The following KMT2B variants were observed in gnomAD, a reference collection of about 807,000 sequenced individuals.
KMT2B encodes the protein histone-lysine N-methyltransferase 2B.
KMT2B carries 22 observed loss-of-function variants against 255.3 expected under a neutral mutation model. The observed-to-expected ratio is 0.09, with a 90% CI of 0.06 to 0.12. The LOEUF (loss-of-function observed/expected upper bound fraction) is 0.12, where lower values mean the gene tolerates loss of function less well. Ranked by LOEUF, KMT2B falls within the 10% of genes least tolerant of loss-of-function variation. KMT2B has a pLI of 1.00. For missense variants in KMT2B, 3,149 were observed against 3,737.0 expected, an observed-to-expected ratio of 0.84 and a Z score of 4.10; for synonymous variants, 1,730 against 1,498.1, an observed-to-expected ratio of 1.15 and a Z score of -3.57.
At chr19:35,726,717 C>T (rs1843553917) in intron 14 of KMT2B, among the ~76,000 whole-genome samples, 1 of 152,162 alleles carries the variant, frequency 6.6e-6, no homozygotes, top group South Asian at 2.1e-4. Context: ...AGCACAGTGG[C>T]TCACGCCTGT....
At position 35,733,884 on chromosome 19, in the gene KMT2B, C is replaced by T; in HGVS notation, c.7159+12C>T. 2 of 1,583,614 alleles carry T rather than the reference C, an allele frequency of 1.3e-6. No homozygotes were observed. Among genetic ancestry groups the T allele is most frequent in the Non-Finnish European group, 1.7e-6 (2 of 1,154,188 alleles). ...GCACCACTATTCAGGTAGGGACCGG[C>T]CTTGCCCTCTCCCTCCTTGCCTGTG... On this transcript the variant is annotated intron_variant, in intron 30 of 36. Transcript: ENST00000420124. The surrounding 1 kb of genome is among the most constrained non-coding windows in gnomAD (Gnocchi z 4.3).
In KMT2B at chr19:35,732,674, T is replaced by C. The variant is rs930292802; in HGVS notation, c.6125T>C (p.Val2042Ala). The change falls in exon 28 of 37, where the codon GTG (valine) becomes GCG (alanine). Residue 2042 changes from valine to alanine, a missense_variant. By Grantham distance (64) the Val-to-Ala change is moderately conservative. Transcript: ENST00000420124. Reference protein sequence around the residue: ...SRYIHFPVTVVSAPGLAPSAT... With the variant: ...SRYIHFPVTVASAPGLAPSAT... ...TACATCCACTTCCCTGTGACTGTGG[T>C]GTCCGCCCCTGGTCTGGCCCCCAGC... 1.5e-5 allele frequency: 24 copies of C among 1,609,182 alleles called. No homozygotes were observed. The highest frequency in any genetic ancestry group is 2.0e-5 in the Non-Finnish European group (24 of 1,178,032).
At chr19:35,726,148 A>G (rs1183190524) in intron 13 of KMT2B, 88 bp from the exon 14 acceptor site, 2 of 960,178 alleles carry the variant, frequency 2.1e-6, no homozygotes, top group Non-Finnish European at 1.6e-6. Context: ...TGCTTCCTGC[A>G]TATCCCCAAT....
In KMT2B at chr19:35,722,438, A is replaced by C. The variant is rs752853404; in HGVS notation, c.2537A>C (p.Asp846Ala). Residue 846 changes from aspartate (D) to alanine (A), a missense_variant, in exon 4 of 37, where the codon GAT becomes GCT. Asp to Ala is a moderately radical substitution (Grantham distance 126). This residue lies in a region of KMT2B where 1,188 missense variants were observed against 1,106.4 expected (regional missense o/e 1.07). Transcript: ENST00000420124. Reference protein sequence around the residue: ...ISDRGPVRSEDESVEAKRERP... With the variant: ...ISDRGPVRSEAESVEAKRERP... ...GACAGAGGCCCTGTCCGGTCTGAAG[A>C]TGAGTCGGTGGAAGCTAAGAGAGAG... is the stretch of plus-strand genomic sequence containing the variant. 1 of 1,610,178 alleles carries C rather than the reference A, an allele frequency of 6.2e-7. No individual in the cohort carries two copies. Among genetic ancestry groups the C allele is most frequent in the South Asian group, 1.1e-5 (1 of 91,054 alleles).
chr19:35,727,317 C>T lies in KMT2B; in HGVS notation c.4117+48C>T. 1 of 1,568,562 alleles carries T rather than the reference C, an allele frequency of 6.4e-7. No homozygotes were observed. Among genetic ancestry groups the T allele is most frequent in the Non-Finnish European group, 8.8e-7 (1 of 1,139,442 alleles). Reference sequence around the variant, plus strand: ...CTGCAGCCTCAACCCTGTGGGGACCCCTGCCCCCACCACAGGCCCCAAGAG... The same window carrying T: ...CTGCAGCCTCAACCCTGTGGGGACCTCTGCCCCCACCACAGGCCCCAAGAG... On this transcript the variant is annotated intron_variant, in intron 15 of 36. Transcript: ENST00000420124. This position sits in a 1 kb window ranked among gnomAD's most constrained non-coding sequence, Gnocchi z 4.2.
rs115531409 is a variant in KMT2B at position 35,732,807 on chromosome 19, G to A, written c.6258G>A (p.Ser2086=). The A allele has an allele frequency of 6.7e-5, 107 of 1,606,200 alleles. No homozygotes were observed. Among genetic ancestry groups the A allele is most frequent in the Admixed American group, 1.0e-4 (6 of 58,914 alleles). ...QQPRGQGTPP[S]GPGVVRAGVL... ...CTCGGGGCCAGGGCACGCCTCCTTC[G>A]GGGCCAGGAGTAGTCCGGGCAGGGG... The change falls in exon 28 of 37, where the codon TCG becomes TCA. Residue 2086 remains serine, a synonymous_variant. Transcript: ENST00000420124.
At chr19:35,730,972 G>A in intron 26 of KMT2B, 105 bp downstream of exon 26, 1 of 1,258,278 alleles carries the variant, frequency 7.9e-7, no homozygotes, top group Non-Finnish European at 1.1e-6. Flanking sequence ...GCTTGCTTTT[G>A]CTTCAGTTGC....
intron 30 of KMT2B, 65 bp from the exon 31 acceptor site, chr19:35,736,625 C>T (rs1036222692): frequency 5.0e-6 from 8 of 1,584,772 alleles, no homozygotes; most frequent in South Asian, 4.5e-5. Context: ...GGGAGCACAG[C>T]GGGGCTCAGG....
Position 35,718,224 on chromosome 19 carries a change from G to T in KMT2B, c.206G>T (p.Arg69Leu), listed in dbSNP as rs1400844708. 1.7e-6 allele frequency: 2 copies of T among 1,176,762 alleles called. No individual in the cohort carries two copies. Among genetic ancestry groups the T allele is most frequent in the Non-Finnish European group, 2.1e-6 (2 of 948,358 alleles). The allele number at this position is 1,176,762 out of a possible 1,614,324, so 72.9% of individuals were successfully genotyped here. A position where few individuals can be genotyped will look rare whatever the true frequency, so the allele number is the denominator to read the frequency against. Residue 69 changes from arginine (R) to leucine (L), a missense_variant, in exon 1 of 37, where the codon CGT becomes CTT. Coordinates refer to ENST00000420124, the MANE Select transcript of KMT2B (RefSeq NM_014727.3). The surrounding 1 kb of genome is among the most constrained non-coding windows in gnomAD (Gnocchi z 5.0). Reference protein sequence around the residue: ...AEPGEDTALLRLLGLRRGLRR... With the variant: ...AEPGEDTALLLLLGLRRGLRR... ...CCCGGGGAGGACACGGCCCTGCTCCGTTTGCTGGGGCTCCGCCGGGGCCTG... is the reference window on the plus strand; with the variant it reads ...CCCGGGGAGGACACGGCCCTGCTCCTTTTGCTGGGGCTCCGCCGGGGCCTG...
Position 35,721,216 on chromosome 19 carries a change from AGCCCCTCC to A in KMT2B, c.1870_1877del (p.Ala624ThrfsTer49), listed in dbSNP as rs2146438549. On this transcript the variant is annotated frameshift_variant, in exon 3 of 37. Coordinates refer to ENST00000420124, the MANE Select transcript of KMT2B (RefSeq NM_014727.3). LOFTEE classifies it high-confidence loss of function. ...CCCGGGAGCTGCCCCCTCCTCCCCC[AGCCCCTCC>A]ACCTCCCCCGGCCCCCTCCCCACCC... is the stretch of plus-strand genomic sequence containing the variant. The A allele has an allele frequency of 1.3e-5, 2 of 155,948 alleles. No homozygotes were observed. Among genetic ancestry groups the A allele is most frequent in the Non-Finnish European group, 2.0e-5 (2 of 101,328 alleles). The allele number at this position is 155,948 out of a possible 1,614,324, so 9.7% of individuals were successfully genotyped here.
Position 35,725,837 on chromosome 19 carries a change from C to G in KMT2B, c.3885+19C>G, listed in dbSNP as rs1230553016. 8 of 1,551,370 alleles carry G rather than the reference C, an allele frequency of 5.2e-6. No individual in the cohort carries two copies. The African/African-American group carries it at 9.6e-5, about 19-fold the overall frequency. Reference sequence around the variant, plus strand: ...CCACTGGGTGAGAGATGAGGTTCACCCACTTGCTTTGTCTCTAATGAATAT... The same window carrying G: ...CCACTGGGTGAGAGATGAGGTTCACGCACTTGCTTTGTCTCTAATGAATAT... On this transcript the variant is annotated intron_variant, in intron 13 of 36. Transcript: ENST00000420124. The surrounding 1 kb of genome is among the most constrained non-coding windows in gnomAD (Gnocchi z 4.1).
intron 26 of KMT2B, 113 bp from the exon 27 acceptor site, chr19:35,731,795 G>T: frequency 1.2e-6 from 1 of 826,334 alleles, no homozygotes. Context: ...GGGGCCTGTT[G>T]TGACTGGGTC....
chr19:35,733,251 GCC>G lies in KMT2B; in HGVS notation c.6706_6707del (p.Pro2236ArgfsTer66). On this transcript the variant is annotated frameshift_variant, in exon 28 of 37. Transcript: ENST00000420124. LOFTEE classifies it high-confidence loss of function. The surrounding 1 kb of genome is among the most constrained non-coding windows in gnomAD (Gnocchi z 4.3). ...CCACGGCTCCCACCTCCTGGACTCT[GCC>G]CCCAGGCCCCCTCCTCGGCGTGCTG... is the stretch of plus-strand genomic sequence containing the variant. ...SPTAPTSWTL[P>X]PGPLLGVLPV... The G allele has an allele frequency of 6.8e-7, 1 of 1,460,756 alleles. No homozygotes were observed. Among genetic ancestry groups the G allele is most frequent in the Non-Finnish European group, 9.3e-7 (1 of 1,078,122 alleles). The allele number at this position is 1,460,756 out of a possible 1,614,324, so 90.5% of individuals were successfully genotyped here.
Position 35,733,689 on chromosome 19 carries a change from G to A in KMT2B, c.7049+3G>A, listed in dbSNP as rs1270691641. 1.1e-5 allele frequency: 18 copies of A among 1,603,630 alleles called. No homozygotes were observed. Among genetic ancestry groups the A allele is most frequent in the Non-Finnish European group, 1.4e-5 (17 of 1,175,352 alleles). ...CCCGCTGGGGAAGAAAGTCCTGGGT[G>A]AGTGGCCAGGCCCCTCTCCCTGGAG... On this transcript the variant is annotated splice_donor_region_variant and intron_variant, in intron 29 of 36. Transcript: ENST00000420124. The surrounding 1 kb of genome is among the most constrained non-coding windows in gnomAD (Gnocchi z 4.3).
At position 35,732,528 on chromosome 19, in the gene KMT2B, C is replaced by T. The variant is rs777525440; in HGVS notation, c.5979C>T (p.Phe1993=). ...GACTGAGTGCTGCTGACCTGGACTT[C>T]GCGGCCAGCCTGCTGGGGACTGAGC... ...VSGLSAADLD[F]AASLLGTEPF... is the part of the protein sequence containing the mutation. Residue 1993 remains phenylalanine (F), a synonymous_variant, in exon 28 of 37, where the codon TTC becomes TTT. Coordinates refer to ENST00000420124, the MANE Select transcript of KMT2B (RefSeq NM_014727.3). 18 of 1,613,780 alleles carry T rather than the reference C, an allele frequency of 1.1e-5. No individual in the cohort carries two copies. The highest frequency in any genetic ancestry group is 2.2e-5 in the South Asian group (2 of 91,090).
chr19:35,718,309 G>A lies in KMT2B; in HGVS notation c.291G>A (p.Arg97=). The A allele has an allele frequency of 8.1e-7, 1 of 1,239,618 alleles. No homozygotes were observed. The highest frequency in any genetic ancestry group is 1.0e-6 in the Non-Finnish European group (1 of 983,712). The allele number at this position is 1,239,618 out of a possible 1,614,324, so 76.8% of individuals were successfully genotyped here. A position where few individuals can be genotyped will look rare whatever the true frequency, so the allele number is the denominator to read the frequency against. ...TCCAGCGGGGCCGGGGACGGGGTCG[G>A]GGCCGGGGCTGGGGCCCGAGTCGAG... ...PRVQRGRGRG[R]GRGWGPSRGC... is the part of the protein sequence containing the mutation. The change falls in exon 1 of 37, where the codon CGG becomes CGA. Residue 97 remains arginine, a synonymous_variant. Transcript: ENST00000420124. The surrounding 1 kb of genome is among the most constrained non-coding windows in gnomAD (Gnocchi z 5.0).
rs1209175045 is a variant in KMT2B, at chr19:35,727,796, T to TA, written c.4392+10dup. ...GCCACTACAAGTCTGTGGTGAGTGG[T>TA]ACACCAGGAGGAGCAGGTGGGTGGC... On this transcript the variant is annotated intron_variant, in intron 17 of 36. Coordinates refer to ENST00000420124, the MANE Select transcript of KMT2B (RefSeq NM_014727.3). This position sits in a 1 kb window ranked among gnomAD's most constrained non-coding sequence, Gnocchi z 4.2. 2.4e-5 allele frequency: 38 copies of TA among 1,613,444 alleles called. No individual in the cohort carries two copies. Among genetic ancestry groups the TA allele is most frequent in the Non-Finnish European group, 3.1e-5 (36 of 1,179,628 alleles).
intron 9 of KMT2B, 114 bp from the exon 10 acceptor site, chr19:35,724,875 A>T: frequency 6.1e-6 from 7 of 1,138,384 alleles, no homozygotes; most frequent in Non-Finnish European, 9.1e-6. Context: ...TCTGGAAAGC[A>T]AAGGGGTCTG....
In KMT2B at chr19:35,732,697, A is replaced by G. The variant is rs772210899; in HGVS notation, c.6148A>G (p.Ser2050Gly). Reference sequence around the variant, plus strand: ...GGTGTCCGCCCCTGGTCTGGCCCCCAGCGCTACCCCTGGAGCCCCCCGCAT... The same window carrying G: ...GGTGTCCGCCCCTGGTCTGGCCCCCGGCGCTACCCCTGGAGCCCCCCGCAT... ...TVVSAPGLAP[S>G]ATPGAPRIEQ... Residue 2050 changes from serine to glycine, a missense_variant, in exon 28 of 37, where the codon AGC (serine) becomes GGC (glycine). By Grantham distance (56) the Ser-to-Gly change is moderately conservative. Coordinates refer to ENST00000420124, the MANE Select transcript of KMT2B (RefSeq NM_014727.3). The G allele has an allele frequency of 1.2e-6, 2 of 1,608,880 alleles. No individual in the cohort carries two copies. The highest frequency in any genetic ancestry group is 2.7e-5 in the African/African-American group (2 of 74,818).
Sources: gnomAD v4.1 joint callset for allele counts (sites outside exome capture counted in the v4.1 genomes callset) on GRCh38, gnomAD v4.1.1 for gene constraint, gnomAD v4.1.1 regional missense constraint, Gnocchi (gnomAD v3.1) non-coding constraint, MANE v1.5 for transcripts, NCBI Gene and HGNC (gene_info 2026-07-23, HGNC 2026-07-21) for gene names.